The following GALNT13 variants were observed in gnomAD, a reference collection of about 807,000 sequenced individuals.
GALNT13 encodes UDP-GalNAc:polypeptide N-acetylgalactosaminyltransferase 13.
Under a neutral mutation model 64.2 loss-of-function variants are expected in GALNT13, and 28 were observed. The observed-to-expected ratio is 0.44, with a 90% confidence interval of 0.32 to 0.60. GALNT13 has a LOEUF of 0.60. Among genes scored for constraint, GALNT13 ranks in the 20% least tolerant of loss-of-function variants. GALNT13 has a pLI of 0.05. For synonymous variants in GALNT13, 214 were observed against 224.6 expected (o/e 0.95, Z 0.42); for missense variants, 577 against 669.8 (o/e 0.86, Z 1.53).
chr2:154,287,956 A>C (rs1035150544), intron 8 of GALNT13, among the ~76,000 whole-genome samples: 3 of 152,108 alleles, frequency 2.0e-5, no homozygotes, highest in Non-Finnish European at 2.9e-5. Flanking sequence ...AGGTGCCTCA[A>C]AACACTTTGT....
At chr2:153,396,365 T>A in the GALNT13 span, among the ~76,000 whole-genome samples, 2 of 151,980 alleles carry the variant, frequency 1.3e-5, no homozygotes, top group Non-Finnish European at 2.9e-5. Flanking sequence ...GGGAGACAAA[T>A]ACTTTGGGAT....
intron 3 of GALNT13, among the ~76,000 whole-genome samples, chr2:154,044,340 C>G (rs1295336416): frequency 6.6e-6 from 1 of 152,086 alleles, no homozygotes; most frequent in Admixed American, 6.6e-5. Context: ...TAAAAAGATA[C>G]CTCGTCAATT....
intron 4 of GALNT13, among the ~76,000 whole-genome samples, chr2:154,221,497 A>T (rs1688320657): frequency 6.6e-6 from 1 of 152,084 alleles, no homozygotes; most frequent in African/African-American, 2.4e-5. Context: ...CTAAAATTAG[A>T]ATCTGTAATT....
chr2:153,284,044 G>T, the GALNT13 span, among the ~76,000 whole-genome samples: 16 of 152,196 alleles, frequency 1.1e-4, no homozygotes, highest in Admixed American at 1.0e-3. Context: ...AGCTGAGAGT[G>T]CTCTGATGCA....
chr2:153,367,026 A>AC, the GALNT13 span, among the ~76,000 whole-genome samples: 5 of 151,592 alleles, frequency 3.3e-5, no homozygotes, highest in Non-Finnish European at 5.9e-5. Context: ...CAAAAAAAAA[A>AC]CAAGGAAATT....
intron 3 of GALNT13, among the ~76,000 whole-genome samples, chr2:153,966,891 C>T (rs1176149196): frequency 6.6e-6 from 1 of 151,922 alleles, no homozygotes; most frequent in African/African-American, 2.4e-5. Flanking sequence ...AGGCTATTGT[C>T]TAGATTTTGT....
At chr2:153,192,984 C>T in the GALNT13 span, among the ~76,000 whole-genome samples, 1 of 152,076 alleles carries the variant, frequency 6.6e-6, no homozygotes, top group Admixed American at 6.6e-5. Context: ...AATCCATTTA[C>T]ATTCAAAGTT....
chr2:153,645,749 A>G, the GALNT13 span, among the ~76,000 whole-genome samples: 1 of 152,078 alleles, frequency 6.6e-6, no homozygotes, highest in Non-Finnish European at 1.5e-5. Flanking sequence ...TTATTCCCAA[A>G]TATTCCTGGC....
At chr2:154,059,658 T>C (rs901081249) in intron 3 of GALNT13, among the ~76,000 whole-genome samples, 11 of 152,240 alleles carry the variant, frequency 7.2e-5, no homozygotes, top group Non-Finnish European at 1.5e-4. Context: ...TAATTTTTCA[T>C]ACTTATTCAC....
At chr2:153,235,525 T>C in the GALNT13 span, among the ~76,000 whole-genome samples, 1 of 152,126 alleles carries the variant, frequency 6.6e-6, no homozygotes, top group Admixed American at 6.5e-5. Flanking sequence ...TGCTAGTACA[T>C]GTATCGCATG....
the GALNT13 span, among the ~76,000 whole-genome samples, chr2:153,513,563 G>T: frequency 6.6e-6 from 1 of 152,178 alleles, no homozygotes. Context: ...CTAAGTTTTA[G>T]TTGTGTTTAT....
At chr2:154,110,366 G>GAC (rs1702906208) in intron 3 of GALNT13, among the ~76,000 whole-genome samples, 1 of 106,180 alleles carries the variant, frequency 9.4e-6, no homozygotes. Flanking sequence ...GAGAGAGAGA[G>GAC]AGAGAGAGAG....
the GALNT13 span, among the ~76,000 whole-genome samples, chr2:153,572,491 T>A: frequency 6.6e-6 from 1 of 151,852 alleles, no homozygotes; most frequent in East Asian, 1.9e-4. Context: ...ATTTTGGGAT[T>A]TGGTTTGCTC....
the GALNT13 span, among the ~76,000 whole-genome samples, chr2:153,645,988 T>C: frequency 6.6e-6 from 1 of 152,140 alleles, no homozygotes; most frequent in African/African-American, 2.4e-5. Context: ...CATGCTTACA[T>C]GATCTCACTT....
chr2:153,361,262 G>A, the GALNT13 span, among the ~76,000 whole-genome samples: 1 of 152,072 alleles, frequency 6.6e-6, no homozygotes, highest in South Asian at 2.1e-4. Flanking sequence ...AGATAAGAAA[G>A]AATCAATGAA....
chr2:154,309,168 C>T (rs1693899906), intron 9 of GALNT13, among the ~76,000 whole-genome samples: 1 of 152,262 alleles, frequency 6.6e-6, no homozygotes, highest in South Asian at 2.1e-4. Context: ...ATGCTTAATA[C>T]ATGGGAAACA....
intron 3 of GALNT13, among the ~76,000 whole-genome samples, chr2:154,019,753 A>G (rs1383847532): frequency 6.6e-6 from 1 of 151,670 alleles, no homozygotes; most frequent in Non-Finnish European, 1.5e-5. Flanking sequence ...CACAACGTAC[A>G]GGTTTGTTAC....
At chr2:154,093,685 A>G (rs916549517) in intron 3 of GALNT13, among the ~76,000 whole-genome samples, 2 of 127,490 alleles carry the variant, frequency 1.6e-5, no homozygotes, top group African/African-American at 6.2e-5. Flanking sequence ...TTTTTTTTTC[A>G]TCGGACTCTT....
chr2:154,007,410 A>G (rs976484352), intron 3 of GALNT13, among the ~76,000 whole-genome samples: 1 of 152,014 alleles, frequency 6.6e-6, no homozygotes, highest in Non-Finnish European at 1.5e-5. Context: ...TGCCTTACCC[A>G]TAGAAACTGT....
Sources: allele counts gnomAD v4.1 joint callset (sites outside exome capture counted in the v4.1 genomes callset), GRCh38; gene constraint gnomAD v4.1.1; transcripts MANE v1.5; gene names NCBI Gene and HGNC (gene_info 2026-07-23, HGNC 2026-07-21).